Variants in PCDHGC4 observed in about 807,000 individuals in gnomAD.
PCDHGC4 encodes protocadherin gamma-C4.
A neutral mutation model predicts 59.7 loss-of-function variants in PCDHGC4; 15 were observed. The ratio of observed to expected loss-of-function variants is 0.25; its 90% CI spans 0.17 to 0.39. PCDHGC4 has a LOEUF of 0.39. PCDHGC4 is among the 10% of genes least tolerant of loss of function. The probability of loss-of-function intolerance (pLI) is 1.00; values close to 1 mark genes in which losing one functional copy is unlikely to be tolerated. For missense variants in PCDHGC4, 1,016 were observed against 1,189.5 expected, an observed-to-expected ratio of 0.85 and a Z score of 2.15; for synonymous variants, 434 against 481.4, an observed-to-expected ratio of 0.90 and a Z score of 1.29.
At position 141,489,562 on chromosome 5, in the gene PCDHGC4, G is replaced by A. The variant is rs770734883; in HGVS notation, c.2442+1947G>A. ...CACCAGCTGCCTGCTGCCAGTGCAG[G>A]TGGTGACTGAACACCCCCTGGAGCT... On this transcript the variant is annotated intron_variant, in intron 1 of 3. Coordinates refer to ENST00000306593, the MANE Select transcript of PCDHGC4 (RefSeq NM_018928.3). The surrounding 1 kb of genome is among the most constrained non-coding windows in gnomAD (Gnocchi z 4.5). 2 of 1,614,114 alleles carry A rather than the reference G, an allele frequency of 1.2e-6. No homozygotes were observed. Among genetic ancestry groups the A allele is most frequent in the Non-Finnish European group, 1.7e-6 (2 of 1,180,028 alleles).
In PCDHGC4 at chr5:141,491,463, C is replaced by CT. The variant is rs765984397; in HGVS notation, c.2443-3343dup. The CT allele has an allele frequency of 6.2e-7, 1 of 1,614,112 alleles. No homozygotes were observed. Among genetic ancestry groups the CT allele is most frequent in the Non-Finnish European group, 8.5e-7 (1 of 1,180,010 alleles). ...GCCAGGACTCACCCTCCCCGGACTT[C>CT]TATAAGCAGTCCAGCCCCAACCTGC... On this transcript the variant is annotated intron_variant, in intron 1 of 3. Coordinates refer to ENST00000306593, the MANE Select transcript of PCDHGC4 (RefSeq NM_018928.3). This position sits in a 1 kb window ranked among gnomAD's most constrained non-coding sequence, Gnocchi z 6.9.
At chr5:141,508,096 G>A (rs1489615862) in intron 3 of PCDHGC4, 1 of 152,476 alleles carries the variant, frequency 6.6e-6, no homozygotes, top group African/African-American at 2.4e-5. Context: ...CCTTGGCCCT[G>A]GGATGGGGTA....
rs180741728 is a variant in PCDHGC4 at position 141,505,088 on chromosome 5, G to A, written c.2502-305G>A. Among the ~76,000 whole-genome samples the A allele has an allele frequency of 3.7e-3, 563 of 152,300 alleles. 5 individuals carry two copies. Among genetic ancestry groups the A allele is most frequent in the Admixed American group, 0.011 (163 of 15,294 alleles). On this transcript the variant is annotated intron_variant, in intron 2 of 3. Coordinates refer to ENST00000306593, the MANE Select transcript of PCDHGC4 (RefSeq NM_018928.3). ...GAGGCAGGAGAATCGCTTGAACCCA[G>A]GAGGTGGATGTTGCAATGAGCCAAG...
chr5:141,486,728 G>T lies in PCDHGC4; in HGVS notation c.1555G>T (p.Ala519Ser). The change falls in exon 1 of 4, where the codon GCT (alanine) becomes TCT (serine). Residue 519 changes from alanine (A) to serine (S), a missense_variant. Coordinates refer to ENST00000306593, the MANE Select transcript of PCDHGC4 (RefSeq NM_018928.3). This position sits in a 1 kb window ranked among gnomAD's most constrained non-coding sequence, Gnocchi z 5.0. ...SLNPQTGAVH[A>S]TRSFDYEQTQ... Reference sequence around the variant, plus strand: ...GAACCCCCAGACAGGAGCTGTTCATGCTACTCGATCCTTTGACTATGAGCA... The same window carrying T: ...GAACCCCCAGACAGGAGCTGTTCATTCTACTCGATCCTTTGACTATGAGCA... The T allele has an allele frequency of 6.2e-7, 1 of 1,614,200 alleles. No individual in the cohort carries two copies. The highest frequency in any genetic ancestry group is 8.5e-7 in the Non-Finnish European group (1 of 1,180,052).
rs1369821635 is a variant in PCDHGC4, at chr5:141,512,208, G to T, written c.*1035G>T. ...TTCAGTCCAAGGAAGCTCGAAGCAG[G>T]TTTAGGACCAGGTCCCCTTGAGAGG... On this transcript the variant is annotated 3_prime_UTR_variant, in exon 4 of 4. Coordinates refer to ENST00000306593, the MANE Select transcript of PCDHGC4 (RefSeq NM_018928.3). 6.5e-6 allele frequency: 1 copy of T among 152,758 alleles called. No homozygotes were observed. The highest frequency in any genetic ancestry group is 2.4e-5 in the African/African-American group (1 of 41,454). The allele number at this position is 152,758 out of a possible 1,614,324, so 9.5% of individuals were successfully genotyped here.
chr5:141,491,747 G>C lies in PCDHGC4; in HGVS notation c.2443-3060G>C. 6.3e-7 allele frequency: 1 copy of C among 1,591,872 alleles called. No homozygotes were observed. The highest frequency in any genetic ancestry group is 8.5e-7 in the Non-Finnish European group (1 of 1,170,328). ...CGGGCGACCCCTGGGGGCGGCACTG[G>C]AGAAGCCGCCCGTCCTCATAAGGGA... On this transcript the variant is annotated intron_variant, in intron 1 of 3. Transcript: ENST00000306593. This position sits in a 1 kb window ranked among gnomAD's most constrained non-coding sequence, Gnocchi z 6.9.
intron 2 of PCDHGC4, among the ~76,000 whole-genome samples, chr5:141,495,119 C>T (rs1024197360): frequency 3.9e-5 from 6 of 152,182 alleles, no homozygotes; most frequent in African/African-American, 1.4e-4. Context: ...CTTTTCCTAT[C>T]CCCTGAGGGC....
intron 2 of PCDHGC4, among the ~76,000 whole-genome samples, chr5:141,504,341 CTTTGTGCTAGGT>C (rs963088433): frequency 3.9e-5 from 6 of 152,020 alleles, no homozygotes; most frequent in African/African-American, 1.4e-4. Flanking sequence ...AAGTGCTAGG[CTTTGTGCTAGGT>C]GCTTCAGTAG....
rs2099605485 is a variant in PCDHGC4 at position 141,485,030 on chromosome 5, G to A, written c.-144G>A. 1 of 674,340 alleles carries A rather than the reference G, an allele frequency of 1.5e-6. No individual in the cohort carries two copies. Among genetic ancestry groups the A allele is most frequent in the East Asian group, 2.6e-5 (1 of 38,292 alleles). The allele number at this position is 674,340 out of a possible 1,614,324, so 41.8% of individuals were successfully genotyped here. A position where few individuals can be genotyped will look rare whatever the true frequency, so the allele number is the denominator to read the frequency against. ...CTACCCCGCCACCAGCAAAAACGGC[G>A]CGTAACCCTTGCGGCGCCGGCCGAA... On this transcript the variant is annotated 5_prime_UTR_variant, in exon 1 of 4. Transcript: ENST00000306593. The surrounding 1 kb of genome is among the most constrained non-coding windows in gnomAD (Gnocchi z 5.7).
At chr5:141,507,831 T>C (rs2099864030) in intron 3 of PCDHGC4, among the ~76,000 whole-genome samples, 1 of 152,134 alleles carries the variant, frequency 6.6e-6, no homozygotes, top group African/African-American at 2.4e-5. Context: ...GTGGAGGTGG[T>C]GGGTCAGGCC....
At chr5:141,508,792 C>T (rs1198342551) in intron 3 of PCDHGC4, among the ~76,000 whole-genome samples, 3 of 152,130 alleles carry the variant, frequency 2.0e-5, no homozygotes, top group Admixed American at 6.5e-5. Flanking sequence ...CTAAATCACT[C>T]TGGAATCCTG....
Position 141,489,381 on chromosome 5 carries a change from T to C in PCDHGC4, c.2442+1766T>C. 3 of 1,613,894 alleles carry C rather than the reference T, an allele frequency of 1.9e-6. No individual in the cohort carries two copies. The highest frequency in any genetic ancestry group is 2.5e-6 in the Non-Finnish European group (3 of 1,179,802). On this transcript the variant is annotated intron_variant, in intron 1 of 3. Coordinates refer to ENST00000306593, the MANE Select transcript of PCDHGC4 (RefSeq NM_018928.3). The surrounding 1 kb of genome is among the most constrained non-coding windows in gnomAD (Gnocchi z 4.5). ...CTGAGCCGGGGACGCTGGTGGGGAA[T>C]GTTGCTCAGGATCTGGGCTTAAAGA...
chr5:141,509,132 G>A (rs1261849657), intron 3 of PCDHGC4, among the ~76,000 whole-genome samples: 1 of 152,150 alleles, frequency 6.6e-6, no homozygotes, highest in Admixed American at 6.5e-5. Flanking sequence ...GAGAAAAACC[G>A]AGGCGCATCC....
chr5:141,489,864 T>G lies in PCDHGC4; in HGVS notation c.2442+2249T>G, dbSNP rs1274301673. ...TGGATCGTGAAGCCCAGGCAAGACA[T>G]CAGCTGGTGCTTACTGCTGTGGATG... On this transcript the variant is annotated intron_variant, in intron 1 of 3. Coordinates refer to ENST00000306593, the MANE Select transcript of PCDHGC4 (RefSeq NM_018928.3). This position sits in a 1 kb window ranked among gnomAD's most constrained non-coding sequence, Gnocchi z 4.5. 5 of 1,614,064 alleles carry G rather than the reference T, an allele frequency of 3.1e-6. No individual in the cohort carries two copies. The highest frequency in any genetic ancestry group is 3.4e-6 in the Non-Finnish European group (4 of 1,180,022).
At chr5:141,497,719 T>C (rs1311566820) in intron 2 of PCDHGC4, among the ~76,000 whole-genome samples, 2 of 152,076 alleles carry the variant, frequency 1.3e-5, no homozygotes, top group Non-Finnish European at 2.9e-5. Context: ...TTTGTATTTT[T>C]AGTAGAGATG....
intron 2 of PCDHGC4, among the ~76,000 whole-genome samples, chr5:141,503,295 T>C (rs567706089): frequency 6.6e-6 from 1 of 152,070 alleles, no homozygotes; most frequent in Non-Finnish European, 1.5e-5. Context: ...TACATAGAAA[T>C]TGCTCAAGAA....
At position 141,491,111 on chromosome 5, in the gene PCDHGC4, A is replaced by G; in HGVS notation, c.2442+3496A>G. 1 of 1,614,162 alleles carries G rather than the reference A, an allele frequency of 6.2e-7. No individual in the cohort carries two copies. Among genetic ancestry groups the G allele is most frequent in the Non-Finnish European group, 8.5e-7 (1 of 1,180,026 alleles). Reference sequence around the variant, plus strand: ...CCAGGACTGTTCCTCGTGTCTACACACACTGGTGAGGTGCGCACAGCCCGG... The same window carrying G: ...CCAGGACTGTTCCTCGTGTCTACACGCACTGGTGAGGTGCGCACAGCCCGG... On this transcript the variant is annotated intron_variant, in intron 1 of 3. Transcript: ENST00000306593. This position sits in a 1 kb window ranked among gnomAD's most constrained non-coding sequence, Gnocchi z 6.9.
In PCDHGC4 at chr5:141,500,938, G is replaced by A. The variant is rs1317178701; in HGVS notation, c.2502-4455G>A. On this transcript the variant is annotated intron_variant, in intron 2 of 3. Transcript: ENST00000306593. Reference sequence around the variant, plus strand: ...GGCTGGGGTGCAGTGGCGCCATCTCGGCTCACTGCAAGCTCCACCTCCTGG... The same window carrying A: ...GGCTGGGGTGCAGTGGCGCCATCTCAGCTCACTGCAAGCTCCACCTCCTGG... 2.6e-5 allele frequency among the ~76,000 whole-genome samples: 4 copies of A among 151,060 alleles called. No homozygotes were observed. The East Asian group carries it at 5.8e-4, about 22-fold the overall frequency.
In PCDHGC4 at chr5:141,489,104, A is replaced by C; in HGVS notation, c.2442+1489A>C. The stretch of plus-strand genomic sequence containing the variant: ...CCACTCGGTGACTAAGAACTGCTGC[A>C]AGCAGGCAAACCTCCGAGCAGTTTT... On this transcript the variant is annotated intron_variant, in intron 1 of 3. Coordinates refer to ENST00000306593, the MANE Select transcript of PCDHGC4 (RefSeq NM_018928.3). The surrounding 1 kb of genome is among the most constrained non-coding windows in gnomAD (Gnocchi z 4.5). 2.5e-6 allele frequency: 1 copy of C among 405,816 alleles called. No individual in the cohort carries two copies. Among genetic ancestry groups the C allele is most frequent in the Non-Finnish European group, 4.3e-6 (1 of 232,372 alleles). 25.1% of individuals were successfully genotyped at this position (405,816 alleles called of 1,614,324 possible). A position where few individuals can be genotyped will look rare whatever the true frequency, so the allele number is the denominator to read the frequency against.
Sources: allele counts gnomAD v4.1 joint callset (sites outside exome capture counted in the v4.1 genomes callset), GRCh38; gene constraint gnomAD v4.1.1; non-coding constraint Gnocchi (gnomAD v3.1); transcripts MANE v1.5; gene names NCBI Gene and HGNC (gene_info 2026-07-23, HGNC 2026-07-21).